The following NTM variants were observed in gnomAD, a reference collection of about 807,000 sequenced individuals.
NTM encodes the protein neurotrimin, also known as IgLON family member 2.
NTM carries 13 observed loss-of-function variants against 42.1 expected under a neutral mutation model. The ratio of observed to expected loss-of-function variants is 0.31; its 90% CI spans 0.20 to 0.49. The LOEUF is 0.49. Among genes scored for constraint, NTM ranks in the 20% least tolerant of loss-of-function variants. The pLI is 0.99. For synonymous variants in NTM, 187 were observed against 179.2 expected, an observed-to-expected ratio of 1.04 and a Z score of -0.35; for missense variants, 373 against 452.8, an observed-to-expected ratio of 0.82 and a Z score of 1.60.
At chr11:131,843,027 AT>A (rs973858444) in intron 1 of NTM, among the ~76,000 whole-genome samples, 5 of 152,066 alleles carry the variant, frequency 3.3e-5, no homozygotes, top group Non-Finnish European at 5.9e-5. Context: ...AAATAAATAA[AT>A]AAATAAATAT....
chr11:131,590,328 G>A (rs1458446732), intron 1 of NTM, among the ~76,000 whole-genome samples: 1 of 152,196 alleles, frequency 6.6e-6, no homozygotes. Flanking sequence ...GAAGTGAGTG[G>A]GTTTGCCCAA....
chr11:131,372,930 C>CT (rs1383841455), intron 1 of NTM, among the ~76,000 whole-genome samples: 5 of 152,104 alleles, frequency 3.3e-5, no homozygotes, highest in African/African-American at 1.2e-4. Context: ...TTGTTCCTAA[C>CT]TTGGGGTAGG....
rs1389070598 is a variant in NTM, at chr11:131,528,909, G to A, written c.82+158021G>A. Reference sequence around the variant, plus strand: ...ATCTTTTGTTGGTTCTAACTGTTTAGTGTGTGTGTTTTGTATTTCCGAATA... The same window carrying A: ...ATCTTTTGTTGGTTCTAACTGTTTAATGTGTGTGTTTTGTATTTCCGAATA... On this transcript the variant is annotated intron_variant, in intron 1 of 8. Coordinates refer to ENST00000683400, the MANE Select transcript of NTM (RefSeq NM_001352005.2). Among the ~76,000 whole-genome samples, 14 of 152,124 alleles carry A rather than the reference G, an allele frequency of 9.2e-5. 1 individual carries two copies. Among genetic ancestry groups the A allele is most frequent in the Non-Finnish European group, 1.5e-5 (1 of 68,022 alleles).
chr11:131,543,764 A>G (rs377749338), intron 1 of NTM, among the ~76,000 whole-genome samples: 8 of 152,334 alleles, frequency 5.3e-5, no homozygotes, highest in South Asian at 2.1e-4. Context: ...GCCCTGCATC[A>G]TCCTGGTAAC....
chr11:132,320,301 G>GC (rs1332972629), intron 7 of NTM, among the ~76,000 whole-genome samples: 1 of 152,230 alleles, frequency 6.6e-6, no homozygotes, highest in Non-Finnish European at 1.5e-5. Flanking sequence ...GACAGTGGGT[G>GC]CAGGTCAGTG....
At chr11:132,110,791 T>G (rs1423134804) in intron 2 of NTM, among the ~76,000 whole-genome samples, 3 of 151,972 alleles carry the variant, frequency 2.0e-5, no homozygotes, top group Non-Finnish European at 4.4e-5. Context: ...TTCCAACACT[T>G]TGTGAGGCTG....
chr11:131,848,050 C>A (rs1042143096), intron 1 of NTM, among the ~76,000 whole-genome samples: 2 of 152,078 alleles, frequency 1.3e-5, no homozygotes, highest in Admixed American at 6.5e-5. Context: ...TCTCTTTATT[C>A]TTTATTTTAT....
intron 1 of NTM, among the ~76,000 whole-genome samples, chr11:131,606,622 CT>C (rs1361263911): frequency 2.0e-5 from 3 of 152,120 alleles, no homozygotes; most frequent in African/African-American, 7.2e-5. Context: ...CACATGGGAA[CT>C]TGGGAACTAA....
chr11:131,765,954 A>C (rs1215138044), intron 1 of NTM, among the ~76,000 whole-genome samples: 1 of 152,218 alleles, frequency 6.6e-6, no homozygotes, highest in Non-Finnish European at 1.5e-5. Flanking sequence ...TTACATTAAA[A>C]TAACATAAAC....
chr11:131,757,561 A>G (rs1174664572), intron 1 of NTM, among the ~76,000 whole-genome samples: 2 of 152,182 alleles, frequency 1.3e-5, no homozygotes, highest in Non-Finnish European at 2.9e-5. Flanking sequence ...TGTTAGGTCC[A>G]TATTCAATGC....
At chr11:132,197,929 T>C (rs904326839) in intron 3 of NTM, among the ~76,000 whole-genome samples, 1 of 152,160 alleles carries the variant, frequency 6.6e-6, no homozygotes, top group Non-Finnish European at 1.5e-5. Flanking sequence ...TCCAAGTCTT[T>C]GCTATTGTGA....
At chr11:131,422,665 G>C (rs954218196) in intron 1 of NTM, among the ~76,000 whole-genome samples, 1 of 152,166 alleles carries the variant, frequency 6.6e-6, no homozygotes, top group African/African-American at 2.4e-5. Context: ...AATTGTATGA[G>C]AGCACTTTTC....
At chr11:132,221,925 G>A (rs1245128820) in intron 4 of NTM, among the ~76,000 whole-genome samples, 2 of 152,164 alleles carry the variant, frequency 1.3e-5, no homozygotes, top group Non-Finnish European at 2.9e-5. Flanking sequence ...CCTGCTTGAT[G>A]TCTAGCCCAC....
intron 2 of NTM, among the ~76,000 whole-genome samples, chr11:132,102,429 T>C (rs913087144): frequency 1.3e-5 from 2 of 152,280 alleles, no homozygotes; most frequent in East Asian, 1.9e-4. Flanking sequence ...GCATACATTA[T>C]GTCAAACTGG....
chr11:132,006,479 T>G (rs1010481839), intron 2 of NTM, among the ~76,000 whole-genome samples: 2 of 152,170 alleles, frequency 1.3e-5, no homozygotes, highest in Non-Finnish European at 2.9e-5. Context: ...TGAAATAGAT[T>G]AAAGGCTTTA....
intron 1 of NTM, among the ~76,000 whole-genome samples, chr11:131,791,489 A>G (rs935785970): frequency 2.0e-5 from 3 of 152,304 alleles, no homozygotes; most frequent in African/African-American, 4.8e-5. Context: ...AAATTTTCCT[A>G]ACTGAATACA....
intron 1 of NTM, among the ~76,000 whole-genome samples, chr11:131,634,891 G>A (rs1324316498): frequency 1.3e-5 from 2 of 152,108 alleles, no homozygotes; most frequent in African/African-American, 4.8e-5. Flanking sequence ...CACCTTGTAG[G>A]AGTTAGATTT....
intron 1 of NTM, among the ~76,000 whole-genome samples, chr11:131,642,860 CCTGACTTGA>C (rs1477039453): frequency 2.6e-5 from 4 of 152,118 alleles, no homozygotes; most frequent in Admixed American, 2.6e-4. Flanking sequence ...CCCTCTGCTA[CCTGACTTGA>C]CTCCTCTAAC....
At chr11:131,451,495 G>A (rs997635551) in intron 1 of NTM, among the ~76,000 whole-genome samples, 2 of 152,192 alleles carry the variant, frequency 1.3e-5, no homozygotes, top group African/African-American at 2.4e-5. Flanking sequence ...GACTGGGGGT[G>A]CAGCTGGAAG....
Sources: allele counts gnomAD v4.1 joint callset (sites outside exome capture counted in the v4.1 genomes callset), GRCh38; gene constraint gnomAD v4.1.1; transcripts MANE v1.5; gene names NCBI Gene and HGNC (gene_info 2026-07-23, HGNC 2026-07-21).